The following ERG variants were observed in gnomAD, a reference collection of about 807,000 sequenced individuals.
ERG encodes transcriptional regulator ERG.
A neutral mutation model predicts 55.3 loss-of-function variants in ERG; 9 were observed. The observed-to-expected ratio is 0.16, with a 90% CI of 0.10 to 0.28. The LOEUF is 0.28. Ranked by LOEUF, ERG falls within the 10% of genes least tolerant of loss-of-function variation. The probability of loss-of-function intolerance (pLI) is 1.00; values close to 1 mark genes in which losing one functional copy is unlikely to be tolerated. For missense variants in ERG, 434 were observed against 631.6 expected (o/e 0.69, Z 3.35); for synonymous variants, 223 against 237.3 (o/e 0.94, Z 0.55).
At chr21:38,374,494 A>T in the ERG span, among the ~76,000 whole-genome samples, 3 of 152,224 alleles carry the variant, frequency 2.0e-5, no homozygotes, top group African/African-American at 7.2e-5. Context: ...TAAACAAGCT[A>T]GCTAGAAAAA....
chr21:38,531,557 AT>A (rs1481616990), intron 2 of ERG, among the ~76,000 whole-genome samples: 1 of 152,222 alleles, frequency 6.6e-6, no homozygotes, highest in East Asian at 1.9e-4. Context: ...TTAAAAAAAA[AT>A]AAGATGCCAT....
chr21:38,537,097 C>G (rs1329170875), intron 2 of ERG, among the ~76,000 whole-genome samples: 1 of 152,054 alleles, frequency 6.6e-6, no homozygotes, highest in East Asian at 1.9e-4. Flanking sequence ...ACTGGGTATA[C>G]ATATGCAAAA....
intron 9 of ERG, among the ~76,000 whole-genome samples, chr21:38,390,076 A>T (rs1194251146): frequency 6.6e-6 from 1 of 152,202 alleles, no homozygotes; most frequent in Non-Finnish European, 1.5e-5. Context: ...TGGCATTTGA[A>T]TTTGCAGTTG....
intron 2 of ERG, among the ~76,000 whole-genome samples, chr21:38,567,583 G>A (rs1229818482): frequency 6.6e-6 from 1 of 152,168 alleles, no homozygotes; most frequent in Non-Finnish European, 1.5e-5. Flanking sequence ...GACTTTGGGG[G>A]CGGGGGAACT....
Position 38,453,797 on chromosome 21 carries a change from T to A in ERG, c.19-8176A>T, listed in dbSNP as rs189850194. ...TACTCAGGAGGCTGAGACAAGAGAA[T>A]CGCTTGAACCCGGGAGGGGGAGGCT... On this transcript the variant is annotated intron_variant, in intron 1 of 9. Coordinates refer to ENST00000288319, the MANE Select transcript of ERG (RefSeq NM_182918.4). 8.7e-5 allele frequency among the ~76,000 whole-genome samples: 13 copies of A among 149,568 alleles called. No homozygotes were observed. In the East Asian group the frequency reaches 2.6e-3, roughly 30 times the overall value.
intron 1 of ERG, among the ~76,000 whole-genome samples, chr21:38,581,013 C>G (rs770074411): frequency 6.6e-6 from 1 of 152,182 alleles, no homozygotes; most frequent in Non-Finnish European, 1.5e-5. Context: ...CAGCAATGCT[C>G]CCTGCTCATC....
Position 38,380,863 on chromosome 21 carries a change from A to G in ERG, c.*2540T>C. 9.4e-7 allele frequency: 1 copy of G among 1,065,202 alleles called. No individual in the cohort carries two copies. Among genetic ancestry groups the G allele is most frequent in the Non-Finnish European group, 1.1e-6 (1 of 879,210 alleles). The allele number at this position is 1,065,202 out of a possible 1,614,324, so 66.0% of individuals were successfully genotyped here. On this transcript the variant is annotated 3_prime_UTR_variant, in exon 10 of 10. Coordinates refer to ENST00000288319, the MANE Select transcript of ERG (RefSeq NM_182918.4). ...TGAGACAGTCTTGAAGAGAGAACTG[A>G]GTGATTATCCAAGTAAATGTGTATT...
downstream of ERG, among the ~76,000 whole-genome samples, chr21:38,377,740 T>C (rs1987282006): frequency 6.6e-6 from 1 of 152,128 alleles, no homozygotes; most frequent in Non-Finnish European, 1.5e-5. Flanking sequence ...CCCTGGCTCC[T>C]GGCATCCCAC....
chr21:38,599,625 C>T (rs541261930), intron 1 of ERG, among the ~76,000 whole-genome samples: 2 of 152,290 alleles, frequency 1.3e-5, no homozygotes, highest in South Asian at 2.1e-4. Context: ...GCCCCAGAGG[C>T]GTTTCCGATG....
chr21:38,523,196 C>T (rs1272639045), intron 2 of ERG, among the ~76,000 whole-genome samples: 1 of 152,098 alleles, frequency 6.6e-6, no homozygotes, highest in African/African-American at 2.4e-5. Context: ...GCAAAAAGGG[C>T]ACACTAAAAA....
chr21:38,646,360 T>C (rs566504685), intron 1 of ERG, among the ~76,000 whole-genome samples: 30 of 151,150 alleles, frequency 2.0e-4, no homozygotes, highest in African/African-American at 6.6e-4. Flanking sequence ...TACCATTTAA[T>C]CTCTCCTAGA....
chr21:38,567,205 C>A (rs988496139), intron 2 of ERG, among the ~76,000 whole-genome samples: 1 of 152,116 alleles, frequency 6.6e-6, no homozygotes, highest in African/African-American at 2.4e-5. Flanking sequence ...TGGAGGGTGC[C>A]CAGCATGGCG....
chr21:38,480,457 A>G (rs1185915367), intron 1 of ERG, among the ~76,000 whole-genome samples: 1 of 152,238 alleles, frequency 6.6e-6, no homozygotes, highest in South Asian at 2.1e-4. Context: ...CTCCCAAGCT[A>G]TAACAGAATA....
At chr21:38,497,883 G>A (rs2059392504) in intron 1 of ERG, among the ~76,000 whole-genome samples, 1 of 152,206 alleles carries the variant, frequency 6.6e-6, no homozygotes, top group Admixed American at 6.5e-5. Context: ...ATTACCAGCA[G>A]CCACTTGCCG....
At chr21:38,408,968 T>C (rs1373596452) in intron 3 of ERG, among the ~76,000 whole-genome samples, 1 of 152,230 alleles carries the variant, frequency 6.6e-6, no homozygotes, top group African/African-American at 2.4e-5. Context: ...GGACCTCATT[T>C]TTCTCTTCTG....
intron 3 of ERG, among the ~76,000 whole-genome samples, chr21:38,406,426 CT>C (rs924818720): frequency 1.6e-4 from 24 of 152,198 alleles, no homozygotes; most frequent in Admixed American, 5.9e-4. Context: ...TAAAATGTTT[CT>C]TTTTTCATGA....
At chr21:38,525,460 A>C (rs574875857) in intron 2 of ERG, among the ~76,000 whole-genome samples, 1 of 152,204 alleles carries the variant, frequency 6.6e-6, no homozygotes, top group South Asian at 2.1e-4. Flanking sequence ...TCTCTTCCAG[A>C]TGCTCTCAGA....
chr21:38,597,056 T>C (rs1468057231), intron 1 of ERG, among the ~76,000 whole-genome samples: 1 of 152,232 alleles, frequency 6.6e-6, no homozygotes, highest in Non-Finnish European at 1.5e-5. Flanking sequence ...TTAATGGTAA[T>C]ATCTTCTTCT....
At position 38,407,816 on chromosome 21, in the gene ERG, A is replaced by G. The variant is rs1351944777; in HGVS notation, c.389-4107T>C. Among the ~76,000 whole-genome samples, 5 of 147,404 alleles carry G rather than the reference A, an allele frequency of 3.4e-5. No individual in the cohort carries two copies. In the East Asian group the frequency reaches 5.9e-4, roughly 17 times the overall value. On this transcript the variant is annotated intron_variant, in intron 3 of 9. Coordinates refer to ENST00000288319, the MANE Select transcript of ERG (RefSeq NM_182918.4). ...AATGAAACTATGCAAAGCATTTTAT[A>G]AAAAGTATAAAAAATAAAACTACTA...
Sources: allele counts gnomAD v4.1 joint callset (sites outside exome capture counted in the v4.1 genomes callset), GRCh38; gene constraint gnomAD v4.1.1; transcripts MANE v1.5; gene names NCBI Gene and HGNC (gene_info 2026-07-23, HGNC 2026-07-21).